CHM: variants seen among roughly 807,000 people sequenced by gnomAD.
CHM encodes the protein CHM Rab escort protein.
A neutral mutation model predicts 49.0 loss-of-function variants in CHM; 10 were observed. The ratio of observed to expected loss-of-function variants is 0.20; its 90% CI spans 0.13 to 0.35. The LOEUF (loss-of-function observed/expected upper bound fraction) is 0.35, where lower values mean the gene tolerates loss of function less well. Ranked by LOEUF, CHM falls within the 10% of genes least tolerant of loss-of-function variation. The pLI is 1.00. For synonymous variants in CHM, 184 were observed against 167.5 expected (o/e 1.10, Z -0.76); for missense variants, 455 against 478.4 (o/e 0.95, Z 0.46).
At chrX:85,940,081 G>A (rs1485297205) in intron 8 of CHM, among the ~76,000 whole-genome samples, 2 of 111,672 alleles carry the variant, frequency 1.8e-5, no homozygotes, top group Non-Finnish European at 3.8e-5. Context: ...TTACAACCAT[G>A]GCAGAAGGTG....
intron 8 of CHM, among the ~76,000 whole-genome samples, chrX:85,925,771 T>C (rs945863788): frequency 2.7e-5 from 3 of 111,947 alleles, no homozygotes; most frequent in Non-Finnish European, 5.6e-5. Context: ...CCAGAAAGAA[T>C]ATACTTCTTT....
intron 4 of CHM, among the ~76,000 whole-genome samples, chrX:85,975,748 G>A (rs376447041): frequency 2.3e-4 from 26 of 112,220 alleles, no homozygotes; most frequent in African/African-American, 8.4e-4. Context: ...TAACTTGACT[G>A]TGACAGTGAA....
intron 8 of CHM, among the ~76,000 whole-genome samples, chrX:85,948,554 T>C (rs1281487074): frequency 4.5e-5 from 5 of 112,346 alleles, no homozygotes; most frequent in African/African-American, 6.5e-5. Flanking sequence ...TTATCTCTAG[T>C]AGTTAAAATG....
chrX:86,039,510 C>CAAAAAAAAAAAAAAAAAAAAAAAA (rs769393073), intron 1 of CHM, among the ~76,000 whole-genome samples: 1 of 40,209 alleles, frequency 2.5e-5, no homozygotes, highest in Non-Finnish European at 4.8e-5. Context: ...TGGCCTAGAC[C>CAAAAAAAAAAAAAAAAAAAAAAAA]AAAAAAAAAA....
At chrX:85,917,558 T>C (rs1161246376) in intron 8 of CHM, among the ~76,000 whole-genome samples, 16 of 111,676 alleles carry the variant, frequency 1.4e-4, no homozygotes, top group Non-Finnish European at 1.9e-5. Flanking sequence ...CAGTGGTTCT[T>C]AACCAGATTG....
intron 12 of CHM, among the ~76,000 whole-genome samples, chrX:85,885,231 C>T (rs910258807): frequency 9.1e-6 from 1 of 109,553 alleles, no homozygotes; most frequent in Non-Finnish European, 1.9e-5. Flanking sequence ...GTAGAGTACC[C>T]GTGACAAATT....
chrX:85,963,642 A>G, intron 5 of CHM, 23 bp downstream of exon 5: 1 of 1,185,914 alleles, frequency 8.4e-7, no homozygotes, highest in Non-Finnish European at 1.1e-6. Context: ...TTCAATGCAA[A>G]GATGGGTAAA....
intron 14 of CHM, among the ~76,000 whole-genome samples, chrX:85,870,563 C>T (rs1923986185): frequency 1.8e-5 from 2 of 111,351 alleles, no homozygotes; most frequent in East Asian, 2.8e-4. Flanking sequence ...ATTCTTATTC[C>T]CATGGTAGTG....
chrX:85,982,914 G>T lies in CHM; in HGVS notation c.117-1105C>A, dbSNP rs182502510. 1.4e-4 allele frequency among the ~76,000 whole-genome samples: 16 copies of T among 111,383 alleles called. No individual in the cohort carries two copies. In the East Asian group the frequency reaches 3.1e-3, roughly 22 times the overall value. On this transcript the variant is annotated intron_variant, in intron 2 of 14. Transcript: ENST00000357749. Reference sequence around the variant, plus strand: ...GCTACTTGGGAGGCTGAAGAGAGAGGAGTCCTTGAGCCCAGAAGTTCAATA... The same window carrying T: ...GCTACTTGGGAGGCTGAAGAGAGAGTAGTCCTTGAGCCCAGAAGTTCAATA...
chrX:85,974,353 C>A (rs1453138492), intron 4 of CHM, among the ~76,000 whole-genome samples: 1 of 111,500 alleles, frequency 9.0e-6, no homozygotes, highest in Non-Finnish European at 1.9e-5. Context: ...TAATTGTTAT[C>A]AAAATCTCAG....
intron 2 of CHM, among the ~76,000 whole-genome samples, chrX:86,017,797 A>C (rs5968774): frequency 0.18 from 19,638 of 111,276 alleles, 1,633 homozygotes; most frequent in Non-Finnish European, 0.26. Flanking sequence ...GAGTAATTAC[A>C]CAAGGATATC....
At chrX:86,012,220 C>T (rs1010187011) in intron 2 of CHM, among the ~76,000 whole-genome samples, 1 of 110,921 alleles carries the variant, frequency 9.0e-6, no homozygotes, top group African/African-American at 3.3e-5. Context: ...AAATACTGAC[C>T]CTAAAGCTGG....
intron 13 of CHM, among the ~76,000 whole-genome samples, chrX:85,875,132 A>G (rs1322834729): frequency 8.9e-6 from 1 of 111,790 alleles, no homozygotes; most frequent in Non-Finnish European, 1.9e-5. Flanking sequence ...GGAAGGTGAA[A>G]AACTGACATA....
At position 85,970,992 on chromosome X, in the gene CHM, T is replaced by C. The variant is rs905617922; in HGVS notation, c.315-6940A>G. 3 of 676,902 alleles carry C rather than the reference T, an allele frequency of 4.4e-6. No individual in the cohort carries two copies. The African/African-American group carries it at 7.2e-5, about 16-fold the overall frequency. 55.8% of individuals were successfully genotyped at this position (676,902 alleles called of 1,213,427 possible). A position where few individuals can be genotyped will look rare whatever the true frequency, so the allele number is the denominator to read the frequency against. ...ATTAAATTTAATGTTGAAATGATCA[T>C]GAAAACCTTTAAGTTGAATAATACT... On this transcript the variant is annotated intron_variant, in intron 4 of 14. Coordinates refer to ENST00000357749, the MANE Select transcript of CHM (RefSeq NM_000390.4).
intron 9 of CHM, among the ~76,000 whole-genome samples, chrX:85,901,570 A>G (rs1480987508): frequency 9.0e-6 from 1 of 111,637 alleles, no homozygotes; most frequent in African/African-American, 3.2e-5. Context: ...CTAAGAAAAG[A>G]AAGAGAGAAA....
intron 12 of CHM, among the ~76,000 whole-genome samples, chrX:85,880,132 G>T (rs898360279): frequency 1.8e-5 from 2 of 110,494 alleles, no homozygotes; most frequent in Admixed American, 1.9e-4. Context: ...TCCCTCCCAG[G>T]TCCACTAAAG....
At chrX:85,918,829 A>G (rs1438701282) in intron 8 of CHM, among the ~76,000 whole-genome samples, 1 of 112,182 alleles carries the variant, frequency 8.9e-6, no homozygotes, top group Non-Finnish European at 1.9e-5. Context: ...CAATAAAAAG[A>G]CTTAACTATC....
At chrX:85,898,433 T>C (rs936641847) in intron 11 of CHM, among the ~76,000 whole-genome samples, 41 of 111,533 alleles carry the variant, frequency 3.7e-4, no homozygotes, top group African/African-American at 1.3e-3. Context: ...TTATCCTCCT[T>C]CTTACTTCGT....
chrX:85,886,423 A>G (rs1569398582), intron 12 of CHM, among the ~76,000 whole-genome samples: 2 of 112,180 alleles, frequency 1.8e-5, no homozygotes, highest in Non-Finnish European at 3.8e-5. Flanking sequence ...AGAGATTTGG[A>G]AGTAAAAGTA....
Sources: allele counts gnomAD v4.1 joint callset (sites outside exome capture counted in the v4.1 genomes callset), GRCh38; gene constraint gnomAD v4.1.1; transcripts MANE v1.5; gene names NCBI Gene and HGNC (gene_info 2026-07-23, HGNC 2026-07-21).